PTPRU: variants seen among roughly 807,000 people sequenced by gnomAD.
PTPRU encodes protein tyrosine phosphatase receptor type U.
A neutral mutation model predicts 166.3 loss-of-function variants in PTPRU; 69 were observed. The observed-to-expected ratio is 0.41, with a 90% CI of 0.34 to 0.51. The LOEUF is 0.51. Among genes scored for constraint, PTPRU ranks in the 20% least tolerant of loss-of-function variants. PTPRU has a pLI of 0.09. For synonymous variants in PTPRU, 793 were observed against 814.0 expected, an observed-to-expected ratio of 0.97 and a Z score of 0.44; for missense variants, 1,657 against 2,013.7, an observed-to-expected ratio of 0.82 and a Z score of 3.39.
At position 29,260,291 on chromosome 1, in the gene PTPRU, G is replaced by C; in HGVS notation, c.850+247G>C. On this transcript the variant is annotated intron_variant, in intron 6 of 29. Coordinates refer to ENST00000373779, the MANE Select transcript of PTPRU (RefSeq NM_133178.4). This position sits in a 1 kb window ranked among gnomAD's most constrained non-coding sequence, Gnocchi z 8.3. ...AGGTGAGAGCCTAAAGAGGGGTGGG[G>C]TTCTGGCTGTGTGACTTCTGTGTTG... 2.0e-6 allele frequency: 1 copy of C among 494,320 alleles called. No homozygotes were observed. The allele number at this position is 494,320 out of a possible 1,614,324, so 30.6% of individuals were successfully genotyped here. A position where few individuals can be genotyped will look rare whatever the true frequency, so the allele number is the denominator to read the frequency against.
At chr1:29,246,117 T>A (rs1684286128) in intron 1 of PTPRU, among the ~76,000 whole-genome samples, 1 of 152,244 alleles carries the variant, frequency 6.6e-6, no homozygotes, top group African/African-American at 2.4e-5. Flanking sequence ...CATTCCACAG[T>A]TGCATTGTAC....
At position 29,260,728 on chromosome 1, in the gene PTPRU, G is replaced by A. The variant is rs774465671; in HGVS notation, c.969G>A (p.Glu323=). 3.1e-6 allele frequency: 5 copies of A among 1,609,116 alleles called. No homozygotes were observed. Among genetic ancestry groups the A allele is most frequent in the South Asian group, 2.2e-5 (2 of 90,560 alleles). Residue 323 remains glutamate, a synonymous_variant, in exon 7 of 30, where the codon GAG becomes GAA. Transcript: ENST00000373779. The surrounding 1 kb of genome is among the most constrained non-coding windows in gnomAD (Gnocchi z 8.3). ...GGCCGATCGTGCGCAAGGAGATTGA[G>A]TACCGCATGGCGCGCGGGCCCTGGG... ...GDGPIVRKEI[E]YRMARGPWAE... is the part of the protein sequence containing the mutation.
Position 29,315,940 on chromosome 1 carries a change from C to A in PTPRU, c.3364-62C>A. The A allele has an allele frequency of 6.3e-7, 1 of 1,586,206 alleles. No homozygotes were observed. Among genetic ancestry groups the A allele is most frequent in the South Asian group, 1.2e-5 (1 of 86,874 alleles). ...TTCAACCTTGAGCTTGCTTAAGCCCCATCACCACAGATCTCCAGCTTCTAG... is the reference window on the plus strand; with the variant it reads ...TTCAACCTTGAGCTTGCTTAAGCCCAATCACCACAGATCTCCAGCTTCTAG... On this transcript the variant is annotated intron_variant, in intron 23 of 29. Transcript: ENST00000373779. The surrounding 1 kb of genome is among the most constrained non-coding windows in gnomAD (Gnocchi z 4.5).
At position 29,291,998 on chromosome 1, in the gene PTPRU, C is replaced by G. The variant is rs757388180; in HGVS notation, c.2448C>G (p.Phe816Leu). Reference sequence around the variant, plus strand: ...AGGACGAGCGGCTGGGCCTGTCCTTCATGGACACCCATGGCTACAGCACCC... The same window carrying G: ...AGGACGAGCGGCTGGGCCTGTCCTTGATGGACACCCATGGCTACAGCACCC... ...LQEDERLGLS[F>L]MDTHGYSTRG... The change falls in exon 15 of 30, where the codon TTC becomes TTG. Residue 816 changes from phenylalanine (F) to leucine (L), a missense_variant. Transcript: ENST00000373779. This position sits in a 1 kb window ranked among gnomAD's most constrained non-coding sequence, Gnocchi z 4.1. The G allele has an allele frequency of 6.2e-7, 1 of 1,614,202 alleles. No individual in the cohort carries two copies. Among genetic ancestry groups the G allele is most frequent in the Non-Finnish European group, 8.5e-7 (1 of 1,180,030 alleles).
In PTPRU at chr1:29,280,441, G is replaced by A. The variant is rs1338216287; in HGVS notation, c.1868+300G>A. Among the ~76,000 whole-genome samples, 1 of 152,226 alleles carries A rather than the reference G, an allele frequency of 6.6e-6. No individual in the cohort carries two copies. Among genetic ancestry groups the A allele is most frequent in the Non-Finnish European group, 1.5e-5 (1 of 68,040 alleles). On this transcript the variant is annotated intron_variant, in intron 11 of 29. Transcript: ENST00000373779. The surrounding 1 kb of genome is among the most constrained non-coding windows in gnomAD (Gnocchi z 4.2). The stretch of plus-strand genomic sequence containing the variant: ...GCCTTTCCTCAGACACCTTGGAGAA[G>A]TGAAACTCTGGGGGCCTTATATCAT...
Position 29,315,885 on chromosome 1 carries a change from A to T in PTPRU, c.3364-117A>T. 7.8e-7 allele frequency: 1 copy of T among 1,287,436 alleles called. No homozygotes were observed. Among genetic ancestry groups the T allele is most frequent in the East Asian group, 2.5e-5 (1 of 40,422 alleles). The allele number at this position is 1,287,436 out of a possible 1,614,324, so 79.8% of individuals were successfully genotyped here. Reference sequence around the variant, plus strand: ...TAGGCTTGGTCCAGCCTGTAGTAACATGGTTGGCCTCCACCTCAGGACACC... The same window carrying T: ...TAGGCTTGGTCCAGCCTGTAGTAACTTGGTTGGCCTCCACCTCAGGACACC... On this transcript the variant is annotated intron_variant, in intron 23 of 29. Coordinates refer to ENST00000373779, the MANE Select transcript of PTPRU (RefSeq NM_133178.4). This position sits in a 1 kb window ranked among gnomAD's most constrained non-coding sequence, Gnocchi z 4.5.
At chr1:29,297,784 G>A (rs1364264203) in intron 15 of PTPRU, among the ~76,000 whole-genome samples, 1 of 152,232 alleles carries the variant, frequency 6.6e-6, no homozygotes, top group East Asian at 1.9e-4. Flanking sequence ...GGGGAGTCAG[G>A]ACTGACCCAG....
At position 29,284,803 on chromosome 1, in the gene PTPRU, T is replaced by C; in HGVS notation, c.2252T>C (p.Ile751Thr). Residue 751 changes from isoleucine (I) to threonine (T), a missense_variant, in exon 14 of 30, where the codon ATC (isoleucine) becomes ACC (threonine). Around this residue, in one of 3 missense-constraint regions of PTPRU, gnomAD observed 1,190 missense variants for 1,477.4 expected, o/e 0.81. Transcript: ENST00000373779. ...GAGGAGATGGGGCTTATCCTGGGCATCTGTGCAGGGGGGCTTGCTGTCCTC... is the reference window on the plus strand; with the variant it reads ...GAGGAGATGGGGCTTATCCTGGGCACCTGTGCAGGGGGGCTTGCTGTCCTC... ...RSEEMGLILG[I>T]CAGGLAVLIL... is the part of the protein sequence containing the mutation. The C allele has an allele frequency of 6.2e-7, 1 of 1,613,980 alleles. No homozygotes were observed. The highest frequency in any genetic ancestry group is 1.3e-5 in the African/African-American group (1 of 74,994).
intron 7 of PTPRU, among the ~76,000 whole-genome samples, 178 bp downstream of exon 7, chr1:29,261,081 T>G (rs914511750): frequency 9.2e-5 from 14 of 152,226 alleles, no homozygotes; most frequent in African/African-American, 2.9e-4. Context: ...GTCAGGCACT[T>G]AAACATATCT....
rs1342794248 is a variant in PTPRU at position 29,258,557 on chromosome 1, T to C, written c.258T>C (p.His86=). The C allele has an allele frequency of 6.2e-7, 1 of 1,614,088 alleles. No individual in the cohort carries two copies. The highest frequency in any genetic ancestry group is 8.5e-7 in the Non-Finnish European group (1 of 1,180,036). ...TSQHAPGQRA[H]VIFQSLSEND... is the part of the protein sequence containing the mutation. ...AGCATGCCCCAGGCCAGCGAGCCCA[T>C]GTCATCTTCCAGAGCCTGAGCGAGA... is the stretch of plus-strand genomic sequence containing the variant. The change falls in exon 3 of 30, where the codon CAT becomes CAC. Residue 86 remains histidine, a synonymous_variant. Coordinates refer to ENST00000373779, the MANE Select transcript of PTPRU (RefSeq NM_133178.4).
intron 15 of PTPRU, among the ~76,000 whole-genome samples, chr1:29,297,856 G>C (rs1023857771): frequency 6.6e-6 from 1 of 152,232 alleles, no homozygotes; most frequent in Non-Finnish European, 1.5e-5. Flanking sequence ...TGTTAGTTTT[G>C]AGAAAATATG....
At chr1:29,302,145 A>ATGTGTG (rs1345978784) in intron 15 of PTPRU, among the ~76,000 whole-genome samples, 22 of 138,598 alleles carry the variant, frequency 1.6e-4, no homozygotes, top group African/African-American at 6.5e-4. Flanking sequence ...GCCTAGGCTA[A>ATGTGTG]TGTGTATGTG....
At chr1:29,255,155 C>G in intron 1 of PTPRU, 120 bp from the exon 2 acceptor site, 1 of 1,235,982 alleles carries the variant, frequency 8.1e-7, no homozygotes, top group Non-Finnish European at 1.1e-6. Flanking sequence ...GGGGAAGGGC[C>G]TGAAGAGAGG....
intron 15 of PTPRU, among the ~76,000 whole-genome samples, chr1:29,302,151 A>ATGTGTGTGTGTGTGTG (rs138316498): frequency 1.6e-3 from 228 of 142,312 alleles, no homozygotes; most frequent in African/African-American, 5.6e-3. Context: ...GCTAATGTGT[A>ATGTGTGTGTGTGTGTG]TGTGTGTGTG....
chr1:29,275,704 C>A lies in PTPRU; in HGVS notation c.1401C>A (p.Asn467Lys). The A allele has an allele frequency of 6.2e-7, 1 of 1,614,168 alleles. No homozygotes were observed. Among genetic ancestry groups the A allele is most frequent in the Non-Finnish European group, 8.5e-7 (1 of 1,180,036 alleles). ...TTCACGTGAGGCTTGTCCTCACTAA[C>A]CCTGAGGGGCGCAAAGAGGGCAAGG... The part of the protein sequence containing the change: ...RNVHVRLVLT[N>K]PEGRKEGKEV... Residue 467 changes from asparagine to lysine, a missense_variant, in exon 8 of 30, where the codon AAC becomes AAA. Asn to Lys is a moderately conservative substitution (Grantham distance 94, BLOSUM62 0). Coordinates refer to ENST00000373779, the MANE Select transcript of PTPRU (RefSeq NM_133178.4).
chr1:29,265,567 T>C (rs1685264473), intron 7 of PTPRU, among the ~76,000 whole-genome samples: 1 of 152,024 alleles, frequency 6.6e-6, no homozygotes, highest in Non-Finnish European at 1.5e-5. Context: ...TTCAGCATGT[T>C]GGCCAGGCTG....
At position 29,259,845 on chromosome 1, in the gene PTPRU, G is replaced by T; in HGVS notation, c.676-25G>T. On this transcript the variant is annotated intron_variant, in intron 5 of 29. Transcript: ENST00000373779. ...GGACCCCTCGCTCCGAGGCGCCCCTGACCCCCTCACTCTCTTCCCTGCAGC... is the reference window on the plus strand; with the variant it reads ...GGACCCCTCGCTCCGAGGCGCCCCTTACCCCCTCACTCTCTTCCCTGCAGC... 3 of 1,520,572 alleles carry T rather than the reference G, an allele frequency of 2.0e-6. No homozygotes were observed. In the South Asian group the frequency reaches 3.7e-5, roughly 19 times the overall value. The allele number at this position is 1,520,572 out of a possible 1,614,324, so 94.2% of individuals were successfully genotyped here. A position where few individuals can be genotyped will look rare whatever the true frequency, so the allele number is the denominator to read the frequency against.
At chr1:29,278,696 C>G (rs1183157351) in intron 8 of PTPRU, among the ~76,000 whole-genome samples, 1 of 152,184 alleles carries the variant, frequency 6.6e-6, no homozygotes, top group Non-Finnish European at 1.5e-5. Flanking sequence ...AAAATTGGAG[C>G]CTTCAAACGT....
At chr1:29,242,221 G>A (rs1392219735) in intron 1 of PTPRU, among the ~76,000 whole-genome samples, 1 of 152,168 alleles carries the variant, frequency 6.6e-6, no homozygotes, top group African/African-American at 2.4e-5. Flanking sequence ...TTTAGATGTG[G>A]AGGTGCCCTT....
Sources: gnomAD v4.1 joint callset for allele counts (sites outside exome capture counted in the v4.1 genomes callset) on GRCh38, gnomAD v4.1.1 for gene constraint, gnomAD v4.1.1 regional missense constraint, Gnocchi (gnomAD v3.1) non-coding constraint, MANE v1.5 for transcripts, NCBI Gene and HGNC (gene_info 2026-07-23, HGNC 2026-07-21) for gene names.